The following WBP1L variants were observed in gnomAD, a reference collection of about 807,000 sequenced individuals.
The protein encoded by WBP1L is WW domain binding protein 1 like, also known as WW domain binding protein 1-like.
A neutral mutation model predicts 33.7 loss-of-function variants in WBP1L; 17 were observed. That is an observed-to-expected ratio of 0.50 (90% CI 0.34 to 0.76). The LOEUF (loss-of-function observed/expected upper bound fraction) is 0.76. Ranked by LOEUF, WBP1L falls within the 30% of genes least tolerant of loss-of-function variation. WBP1L has a pLI of 0.01. For synonymous variants in WBP1L, 173 were observed against 190.8 expected, an observed-to-expected ratio of 0.91 and a Z score of 0.77; for missense variants, 389 against 469.4, an observed-to-expected ratio of 0.83 and a Z score of 1.58.
At chr10:102,785,877 G>C (rs1174760828) in intron 1 of WBP1L, among the ~76,000 whole-genome samples, 1 of 152,214 alleles carries the variant, frequency 6.6e-6, no homozygotes, top group Non-Finnish European at 1.5e-5. Context: ...GGGTGAAAGA[G>C]TGGTCCATGA....
At chr10:102,783,687 G>A (rs1030785059) in intron 1 of WBP1L, among the ~76,000 whole-genome samples, 1 of 152,238 alleles carries the variant, frequency 6.6e-6, no homozygotes, top group African/African-American at 2.4e-5. Context: ...CACAGCTAGG[G>A]GAGTAGGAAG....
chr10:102,757,569 CTTTT>C (rs60213859), intron 1 of WBP1L, among the ~76,000 whole-genome samples: 2 of 88,786 alleles, frequency 2.3e-5, no homozygotes, highest in African/African-American at 4.6e-5. Flanking sequence ...GTTTCTGAGC[CTTTT>C]TTTTTTTTTT....
chr10:102,796,311 TA>T (rs950306055), intron 1 of WBP1L, among the ~76,000 whole-genome samples: 5 of 152,154 alleles, frequency 3.3e-5, no homozygotes, highest in African/African-American at 1.2e-4. Flanking sequence ...TATCAGAATG[TA>T]AAGTTTTTAA....
chr10:102,755,775 G>A (rs1842967551), intron 1 of WBP1L, among the ~76,000 whole-genome samples: 1 of 152,152 alleles, frequency 6.6e-6, no homozygotes, highest in Non-Finnish European at 1.5e-5. Context: ...GCCGGGCGCG[G>A]TGGCTCATGC....
intron 1 of WBP1L, among the ~76,000 whole-genome samples, chr10:102,747,384 T>G (rs1259120386): frequency 1.4e-5 from 2 of 146,858 alleles, no homozygotes; most frequent in African/African-American, 2.5e-5. Context: ...AAAAAAAGAA[T>G]GAGAAAACAG....
chr10:102,784,425 T>C (rs954636379), intron 1 of WBP1L, among the ~76,000 whole-genome samples: 2 of 142,934 alleles, frequency 1.4e-5, no homozygotes, highest in Admixed American at 7.0e-5. Context: ...TTGTTTCTTT[T>C]TTTTTTTTTT....
At chr10:102,774,102 T>C (rs931112334) in intron 1 of WBP1L, among the ~76,000 whole-genome samples, 1 of 152,038 alleles carries the variant, frequency 6.6e-6, no homozygotes, top group African/African-American at 2.4e-5. Context: ...ACATTGCCCA[T>C]GAGGGGATGA....
intron 1 of WBP1L, among the ~76,000 whole-genome samples, chr10:102,767,673 C>G (rs11191393): frequency 0.19 from 29,443 of 152,092 alleles, 3,230 homozygotes; most frequent in East Asian, 0.49. Context: ...CCAAAGTTCT[C>G]ATCTGTATCT....
chr10:102,775,892 TC>T (rs1394905519), intron 1 of WBP1L, among the ~76,000 whole-genome samples: 7 of 152,076 alleles, frequency 4.6e-5, no homozygotes, highest in African/African-American at 1.7e-4. Flanking sequence ...AGAGCAGTGT[TC>T]CTGTTTTCAG....
chr10:102,762,459 A>C (rs1404278764), intron 1 of WBP1L, among the ~76,000 whole-genome samples: 1 of 152,124 alleles, frequency 6.6e-6, no homozygotes, highest in Non-Finnish European at 1.5e-5. Flanking sequence ...GTTACTCCCA[A>C]CAGTACCCTT....
At chr10:102,787,350 G>C (rs1843429756) in intron 1 of WBP1L, among the ~76,000 whole-genome samples, 1 of 152,226 alleles carries the variant, frequency 6.6e-6, no homozygotes, top group African/African-American at 2.4e-5. Flanking sequence ...CACTGTTGGA[G>C]GCTGAGGCAG....
intron 1 of WBP1L, among the ~76,000 whole-genome samples, chr10:102,785,258 G>A (rs1320725157): frequency 6.7e-6 from 1 of 149,720 alleles, no homozygotes; most frequent in African/African-American, 2.5e-5. Context: ...TGCGATTTCG[G>A]CTCACTGCAA....
chr10:102,811,124 G>C (rs547385166), intron 3 of WBP1L, among the ~76,000 whole-genome samples: 2 of 152,194 alleles, frequency 1.3e-5, no homozygotes, highest in Non-Finnish European at 2.9e-5. Context: ...AAACAATTGT[G>C]GGCCGGGCTC....
chr10:102,793,717 C>G (rs975739842), intron 1 of WBP1L, among the ~76,000 whole-genome samples: 2 of 151,906 alleles, frequency 1.3e-5, no homozygotes, highest in Non-Finnish European at 2.9e-5. Flanking sequence ...AGCCCAAGGT[C>G]ACACAGTTAA....
intron 1 of WBP1L, among the ~76,000 whole-genome samples, chr10:102,763,207 CAAAAAAA>C (rs36003893): frequency 3.2e-5 from 3 of 94,066 alleles, no homozygotes; most frequent in African/African-American, 8.5e-5. Flanking sequence ...ACTTTTGTCT[CAAAAAAA>C]AAAAAAAAAA....
chr10:102,751,513 G>C (rs948247387), intron 1 of WBP1L, among the ~76,000 whole-genome samples: 3 of 152,004 alleles, frequency 2.0e-5, no homozygotes, highest in Non-Finnish European at 2.9e-5. Flanking sequence ...TCACCACGTT[G>C]GCCAGGCTGG....
At chr10:102,761,122 T>G (rs1399023144) in intron 1 of WBP1L, among the ~76,000 whole-genome samples, 1 of 71,242 alleles carries the variant, frequency 1.4e-5, no homozygotes, top group East Asian at 4.1e-4. Flanking sequence ...GGCCAGGCTG[T>G]TTTTTTTTTT....
chr10:102,810,611 G>A (rs562086656), intron 3 of WBP1L, among the ~76,000 whole-genome samples: 196 of 111,866 alleles, frequency 1.8e-3, no homozygotes, highest in African/African-American at 6.3e-3. Context: ...TTGTTGCCCA[G>A]GCTGGAGTGC....
At chr10:102,796,622 T>C (rs1843577162) in intron 1 of WBP1L, among the ~76,000 whole-genome samples, 1 of 152,222 alleles carries the variant, frequency 6.6e-6, no homozygotes, top group Non-Finnish European at 1.5e-5. Context: ...GCAAATACTG[T>C]GGCTTTAGTT....
Sources: gnomAD v4.1 joint callset for allele counts (sites outside exome capture counted in the v4.1 genomes callset) on GRCh38, gnomAD v4.1.1 for gene constraint, MANE v1.5 for transcripts, NCBI Gene and HGNC (gene_info 2026-07-23, HGNC 2026-07-21) for gene names.